The following M1AP variants were observed in gnomAD, a reference collection of about 807,000 sequenced individuals.
M1AP encodes meiosis 1 arrest protein.
In M1AP, 39 loss-of-function variants were observed where a neutral mutation model predicts 51.2. The ratio of observed to expected loss-of-function variants is 0.76; its 90% CI spans 0.59 to 1.00. The LOEUF (loss-of-function observed/expected upper bound fraction) is 1.00, where lower values mean the gene tolerates loss of function less well. Among genes scored for constraint, M1AP ranks in the 50% least tolerant of loss-of-function variants. The pLI, the probability that M1AP is intolerant of heterozygous loss-of-function variation, is 0.00. For synonymous variants in M1AP, 251 were observed against 249.2 expected, an observed-to-expected ratio of 1.01 and a Z score of -0.07; for missense variants, 545 against 641.2, an observed-to-expected ratio of 0.85 and a Z score of 1.62.
At chr2:74,635,689 A>C (rs748585510) in intron 2 of M1AP, among the ~76,000 whole-genome samples, 57 of 151,998 alleles carry the variant, frequency 3.8e-4, no homozygotes, top group Non-Finnish European at 7.1e-4. Flanking sequence ...CCTTCAGTTC[A>C]ATGTATTGTC....
intron 7 of M1AP, among the ~76,000 whole-genome samples, chr2:74,566,642 T>TC (rs1227913507): frequency 9.5e-4 from 121 of 127,718 alleles, no homozygotes; most frequent in African/African-American, 2.8e-3. Flanking sequence ...CACCTGTCTA[T>TC]CCCCCCCACC....
intron 8 of M1AP, chr2:74,561,904 G>A: frequency 1.0e-6 from 1 of 985,330 alleles, no homozygotes; most frequent in Non-Finnish European, 1.2e-6. Flanking sequence ...AGGTCCGTGT[G>A]CATGTCGTGT....
chr2:74,599,164 A>G (rs187487891), intron 4 of M1AP, among the ~76,000 whole-genome samples: 1 of 152,076 alleles, frequency 6.6e-6, no homozygotes, highest in Admixed American at 6.5e-5. Context: ...CTATAATCCC[A>G]GCTAGTTGGG....
intron 2 of M1AP, among the ~76,000 whole-genome samples, chr2:74,638,196 A>C (rs1422137230): frequency 6.6e-6 from 1 of 151,982 alleles, no homozygotes; most frequent in Admixed American, 6.5e-5. Context: ...CTGGGATTAC[A>C]GGCAGCCGCC....
intron 6 of M1AP, 86 bp from the exon 7 acceptor site, chr2:74,575,665 G>A: frequency 9.5e-7 from 1 of 1,049,708 alleles, no homozygotes; most frequent in Non-Finnish European, 1.4e-6. Flanking sequence ...TTAACTCTAA[G>A]ACAGTACTGT....
At chr2:74,617,041 C>A (rs1015332780) in intron 2 of M1AP, among the ~76,000 whole-genome samples, 1 of 152,162 alleles carries the variant, frequency 6.6e-6, no homozygotes, top group African/African-American at 2.4e-5. Flanking sequence ...AGAAATGTAA[C>A]TTAACTCCAA....
intron 2 of M1AP, among the ~76,000 whole-genome samples, chr2:74,622,072 A>G (rs932819130): frequency 2.6e-5 from 4 of 151,600 alleles, no homozygotes; most frequent in Admixed American, 6.6e-5. Flanking sequence ...GTGAGCTGAG[A>G]TCATGCCACT....
At chr2:74,606,055 C>T (rs974504448) in intron 4 of M1AP, among the ~76,000 whole-genome samples, 13 of 152,204 alleles carry the variant, frequency 8.5e-5, no homozygotes, top group South Asian at 6.2e-4. Context: ...TCTGCCCAGC[C>T]GGGGGAACAG....
At chr2:74,584,894 G>A (rs1679618558) in intron 4 of M1AP, among the ~76,000 whole-genome samples, 1 of 151,122 alleles carries the variant, frequency 6.6e-6, no homozygotes, top group African/African-American at 2.4e-5. Context: ...CCATGTTGGA[G>A]TGCAGTGGTG....
intron 2 of M1AP, among the ~76,000 whole-genome samples, chr2:74,619,682 A>G (rs189777066): frequency 6.6e-6 from 1 of 152,236 alleles, no homozygotes; most frequent in Admixed American, 6.5e-5. Flanking sequence ...AGATACATAA[A>G]TATTTATCAT....
chr2:74,618,378 A>T (rs986913283), intron 2 of M1AP, among the ~76,000 whole-genome samples: 2 of 152,230 alleles, frequency 1.3e-5, no homozygotes, highest in African/African-American at 4.8e-5. Flanking sequence ...AACTGAAAAT[A>T]CAAGTCAGTG....
chr2:74,613,002 G>T (rs1242525318), intron 3 of M1AP, among the ~76,000 whole-genome samples: 4 of 150,528 alleles, frequency 2.7e-5, no homozygotes, highest in Non-Finnish European at 5.9e-5. Context: ...TGCTTTTTCA[G>T]ATTTGAACAT....
At chr2:74,629,456 T>A (rs916029975) in intron 2 of M1AP, among the ~76,000 whole-genome samples, 1 of 152,182 alleles carries the variant, frequency 6.6e-6, no homozygotes, top group Non-Finnish European at 1.5e-5. Flanking sequence ...AAAATTATTT[T>A]AAAAATGTTG....
chr2:74,634,876 C>T (rs57684478), intron 2 of M1AP, among the ~76,000 whole-genome samples: 26 of 152,126 alleles, frequency 1.7e-4, no homozygotes, highest in African/African-American at 6.3e-4. Context: ...TTTTTAATTG[C>T]TGAATTCTAT....
intron 8 of M1AP, chr2:74,561,995 C>T: frequency 3.0e-6 from 3 of 985,392 alleles, no homozygotes; most frequent in Non-Finnish European, 2.4e-6. Context: ...TCTCAAACCT[C>T]ATTTCCCTCC....
chr2:74,566,650 AC>A (rs1678410028), intron 7 of M1AP, among the ~76,000 whole-genome samples: 2 of 92,150 alleles, frequency 2.2e-5, no homozygotes, highest in South Asian at 1.0e-3. Context: ...TATCCCCCCC[AC>A]CCGCCCAGAT....
At chr2:74,616,058 C>T (rs772905748) in intron 2 of M1AP, among the ~76,000 whole-genome samples, 19 of 152,174 alleles carry the variant, frequency 1.2e-4, no homozygotes, top group Non-Finnish European at 2.5e-4. Context: ...TTGATATATT[C>T]TTCTCTCCCC....
In M1AP at chr2:74,566,589, G is replaced by A. The variant is rs149717419; in HGVS notation, c.1075-4166C>T. On this transcript the variant is annotated intron_variant, in intron 7 of 10. Transcript: ENST00000421985. Reference sequence around the variant, plus strand: ...GAAGCAAGAGAAACAGACAAAGCTAGGTCACAGGAAGCCCACTGACTCACG... The same window carrying A: ...GAAGCAAGAGAAACAGACAAAGCTAAGTCACAGGAAGCCCACTGACTCACG... Among the ~76,000 whole-genome samples the A allele has an allele frequency of 2.2e-3, 340 of 152,246 alleles. 1 individual carries two copies. The highest frequency in any genetic ancestry group is 3.5e-3 in the Non-Finnish European group (237 of 68,020).
intron 7 of M1AP, among the ~76,000 whole-genome samples, chr2:74,567,558 A>C (rs1678469190): frequency 6.6e-6 from 1 of 152,222 alleles, no homozygotes; most frequent in African/African-American, 2.4e-5. Flanking sequence ...TACTTCATAG[A>C]ATGGTTATGG....
Sources: allele counts gnomAD v4.1 joint callset (sites outside exome capture counted in the v4.1 genomes callset), GRCh38; gene constraint gnomAD v4.1.1; transcripts MANE v1.5; gene names NCBI Gene and HGNC (gene_info 2026-07-23, HGNC 2026-07-21).